SPIDR: variants seen among roughly 807,000 people sequenced by gnomAD.
SPIDR encodes DNA repair-scaffolding protein.
In SPIDR, 93 loss-of-function variants were observed where a neutral mutation model predicts 104.6. The observed-to-expected ratio is 0.89, with a 90% CI of 0.75 to 1.06. SPIDR has a LOEUF of 1.06. SPIDR is among the 50% of genes least tolerant of loss of function. The pLI is 0.00. For missense variants in SPIDR, 1,154 were observed against 1,111.2 expected (o/e 1.04, Z -0.55); for synonymous variants, 431 against 416.9 (o/e 1.03, Z -0.41).
At chr8:47,712,568 T>A in intron 14 of SPIDR, 94 bp from the exon 15 acceptor site, 1 of 1,301,770 alleles carries the variant, frequency 7.7e-7, no homozygotes, top group Non-Finnish European at 1.1e-6. Flanking sequence ...AATAATATCT[T>A]AAATTGTTAG....
At chr8:47,402,364 C>G (rs981482531) in intron 6 of SPIDR, among the ~76,000 whole-genome samples, 1 of 152,214 alleles carries the variant, frequency 6.6e-6, no homozygotes, top group African/African-American at 2.4e-5. Flanking sequence ...CAGAGCAGAA[C>G]TGAAGGAGAT....
chr8:47,450,196 T>G (rs1032809785), intron 8 of SPIDR, among the ~76,000 whole-genome samples: 3 of 152,166 alleles, frequency 2.0e-5, no homozygotes, highest in Admixed American at 6.5e-5. Flanking sequence ...TGTCTTATGG[T>G]TCTAGAAGCT....
chr8:47,735,126 GT>G (rs2086059221), intron 19 of SPIDR, among the ~76,000 whole-genome samples, 180 bp from the exon 20 acceptor site: 1 of 149,760 alleles, frequency 6.7e-6, no homozygotes, highest in Non-Finnish European at 1.5e-5. Context: ...GTGTGTGTGT[GT>G]GTGTGTGTAG....
intron 6 of SPIDR, among the ~76,000 whole-genome samples, chr8:47,399,910 G>T (rs1440132678): frequency 6.6e-6 from 1 of 152,148 alleles, no homozygotes; most frequent in South Asian, 2.1e-4. Context: ...TAACGATGAC[G>T]GGCGCCCAGA....
At chr8:47,689,541 G>A (rs1318405801) in intron 11 of SPIDR, among the ~76,000 whole-genome samples, 2 of 152,180 alleles carry the variant, frequency 1.3e-5, no homozygotes, top group African/African-American at 4.8e-5. Context: ...CATACAACTG[G>A]AAAGTAGGAA....
At chr8:47,335,799 GAGA>G (rs1401253683) in intron 5 of SPIDR, among the ~76,000 whole-genome samples, 2 of 152,270 alleles carry the variant, frequency 1.3e-5, no homozygotes, top group East Asian at 3.9e-4. Flanking sequence ...CACTGTTTCT[GAGA>G]AGAAGTTGTT....
At chr8:47,593,473 C>G (rs1195968716) in intron 8 of SPIDR, among the ~76,000 whole-genome samples, 1 of 152,164 alleles carries the variant, frequency 6.6e-6, no homozygotes, top group East Asian at 1.9e-4. Context: ...CCAGATAATT[C>G]TAACCTTTAT....
intron 3 of SPIDR, among the ~76,000 whole-genome samples, chr8:47,284,954 G>A (rs1190833693): frequency 3.3e-5 from 5 of 152,260 alleles, no homozygotes; most frequent in Admixed American, 3.3e-4. Flanking sequence ...CTGTGGGTGT[G>A]TAGGAAGAGT....
chr8:47,581,309 A>C (rs1013972320), intron 8 of SPIDR, among the ~76,000 whole-genome samples: 4 of 152,056 alleles, frequency 2.6e-5, no homozygotes, highest in Admixed American at 2.6e-4. Context: ...AGTCATTTTC[A>C]TTTTCAAAGT....
At chr8:47,661,530 G>A (rs1211762255) in intron 10 of SPIDR, among the ~76,000 whole-genome samples, 12 of 152,204 alleles carry the variant, frequency 7.9e-5, no homozygotes, top group Admixed American at 7.9e-4. Context: ...TCCGTTTTAT[G>A]AACATTAATC....
chr8:47,425,983 G>T (rs2066345325), intron 7 of SPIDR, among the ~76,000 whole-genome samples: 1 of 151,872 alleles, frequency 6.6e-6, no homozygotes, highest in Admixed American at 6.6e-5. Flanking sequence ...GGTGACTCAC[G>T]CCTGTAATCC....
At chr8:47,299,144 T>C (rs1423962766) in intron 5 of SPIDR, among the ~76,000 whole-genome samples, 2 of 152,228 alleles carry the variant, frequency 1.3e-5, no homozygotes, top group Non-Finnish European at 1.5e-5. Flanking sequence ...CAGTGGTTTG[T>C]AGTTCTCCTT....
In SPIDR at chr8:47,453,547, C is replaced by G. The variant is rs529759133; in HGVS notation, c.1097+13005C>G. 5.0e-4 allele frequency among the ~76,000 whole-genome samples: 76 copies of G among 152,256 alleles called. 1 individual carries two copies. Among genetic ancestry groups the G allele is most frequent in the Non-Finnish European group, 9.4e-4 (64 of 68,024 alleles). ...CAGACCAATGGAACAGAACAGAGCC[C>G]TCAGAAATAATACCACACATCTACA... On this transcript the variant is annotated intron_variant, in intron 8 of 19. Transcript: ENST00000297423.
rs550432500 is a variant in SPIDR, at chr8:47,531,604, C to T, written c.1098-64207C>T. On this transcript the variant is annotated intron_variant, in intron 8 of 19. Transcript: ENST00000297423. ...AGCCTGTTGAGGTCTGTAAAAGCTT[C>T]TGCTAAACCCTTCAGTGAGAATTTT... Among the ~76,000 whole-genome samples, 7 of 152,332 alleles carry T rather than the reference C, an allele frequency of 4.6e-5. No homozygotes were observed. The South Asian group carries it at 1.5e-3, about 32-fold the overall frequency.
At chr8:47,327,148 GTGAAA>G (rs1223165614) in intron 5 of SPIDR, among the ~76,000 whole-genome samples, 10 of 152,078 alleles carry the variant, frequency 6.6e-5, no homozygotes, top group Non-Finnish European at 1.5e-4. Flanking sequence ...CCTAGTGGCT[GTGAAA>G]TGATACCTTA....
intron 8 of SPIDR, among the ~76,000 whole-genome samples, chr8:47,443,377 C>T (rs1049307428): frequency 6.6e-6 from 1 of 152,034 alleles, no homozygotes; most frequent in African/African-American, 2.4e-5. Context: ...CGAGACCAGC[C>T]TGGCCAACAT....
chr8:47,360,573 C>T (rs1587676912), intron 5 of SPIDR, among the ~76,000 whole-genome samples: 2 of 152,126 alleles, frequency 1.3e-5, no homozygotes, highest in Admixed American at 1.3e-4. Context: ...GGAGAGGCTG[C>T]CATGGCTGAG....
chr8:47,632,073 A>T (rs2067152771), intron 10 of SPIDR, among the ~76,000 whole-genome samples: 1 of 152,204 alleles, frequency 6.6e-6, no homozygotes, highest in Admixed American at 6.5e-5. Context: ...ATCCTCTGGA[A>T]TGGACTATTT....
At chr8:47,527,059 G>A (rs535001534) in intron 8 of SPIDR, among the ~76,000 whole-genome samples, 1 of 152,238 alleles carries the variant, frequency 6.6e-6, no homozygotes, top group Non-Finnish European at 1.5e-5. Context: ...CTTGGAGAGA[G>A]GGGGCACACT....
Sources: gnomAD v4.1 joint callset for allele counts (sites outside exome capture counted in the v4.1 genomes callset) on GRCh38, gnomAD v4.1.1 for gene constraint, MANE v1.5 for transcripts, NCBI Gene and HGNC (gene_info 2026-07-23, HGNC 2026-07-21) for gene names.